Variants in NRG3 observed in about 807,000 individuals in gnomAD.
NRG3 encodes pro-neuregulin-3, membrane-bound isoform.
NRG3 carries 31 observed loss-of-function variants against 66.9 expected under a neutral mutation model. The ratio of observed to expected loss-of-function variants is 0.46; its 90% CI spans 0.35 to 0.63. The LOEUF (loss-of-function observed/expected upper bound fraction) is 0.63. NRG3 is among the 20% of genes least tolerant of loss of function. The probability of loss-of-function intolerance (pLI) is 0.00; values close to 1 mark genes in which losing one functional copy is unlikely to be tolerated. For missense variants in NRG3, 910 were observed against 878.9 expected, an observed-to-expected ratio of 1.04 and a Z score of -0.45; for synonymous variants, 393 against 359.4, an observed-to-expected ratio of 1.09 and a Z score of -1.06.
chr10:82,259,702 A>G (rs1389893724), intron 1 of NRG3, among the ~76,000 whole-genome samples: 1 of 152,136 alleles, frequency 6.6e-6, no homozygotes. Context: ...CAGAGGTGGA[A>G]GGATTGCATC....
chr10:81,918,985 A>G (rs1845982166), intron 1 of NRG3, among the ~76,000 whole-genome samples: 1 of 150,856 alleles, frequency 6.6e-6, no homozygotes. Flanking sequence ...ACACACACAC[A>G]CACACACACA....
rs2058661965 is a variant in NRG3 at position 82,746,746 on chromosome 10, AT to A, written c.1027+8098del. Reference sequence around the variant, plus strand: ...CTTAATCAAATCTGAGGTACCAGAAATTAAATATTCATACCTTATTACACAA... The same window carrying A: ...CTTAATCAAATCTGAGGTACCAGAAATAAATATTCATACCTTATTACACAA... On this transcript the variant is annotated intron_variant, in intron 3 of 8. Coordinates refer to ENST00000372141, the MANE Select transcript of NRG3 (RefSeq NM_001010848.4). Among the ~76,000 whole-genome samples the A allele has an allele frequency of 5.3e-5, 8 of 152,256 alleles. No individual in the cohort carries two copies. In the South Asian group the frequency reaches 1.7e-3, roughly 31 times the overall value.
At chr10:82,390,851 G>A (rs902888623) in intron 2 of NRG3, among the ~76,000 whole-genome samples, 1 of 152,208 alleles carries the variant, frequency 6.6e-6, no homozygotes, top group Admixed American at 6.5e-5. Context: ...GCATGGTGAA[G>A]TGAGCCTGTA....
chr10:82,269,370 T>G (rs551453157), intron 1 of NRG3, among the ~76,000 whole-genome samples: 1 of 152,184 alleles, frequency 6.6e-6, no homozygotes, highest in Non-Finnish European at 1.5e-5. Flanking sequence ...AATGTTCTGC[T>G]GTTGGATGTT....
chr10:82,606,976 T>TA (rs1021251153), intron 2 of NRG3, among the ~76,000 whole-genome samples: 5 of 152,074 alleles, frequency 3.3e-5, no homozygotes, highest in African/African-American at 1.2e-4. Context: ...CTAGGCCCCT[T>TA]AAAAAACCCA....
intron 1 of NRG3, among the ~76,000 whole-genome samples, chr10:81,935,060 T>G (rs1188854132): frequency 6.6e-6 from 1 of 152,246 alleles, no homozygotes. Flanking sequence ...GTTATTTTAT[T>G]CATGGATTAA....
intron 2 of NRG3, among the ~76,000 whole-genome samples, chr10:82,430,996 C>T (rs1178394092): frequency 6.6e-6 from 1 of 152,154 alleles, no homozygotes. Flanking sequence ...TTTAATGCAA[C>T]TTTCTAGATC....
chr10:82,003,986 A>AAAACACAC (rs1394431268), intron 1 of NRG3, among the ~76,000 whole-genome samples: 2 of 116,154 alleles, frequency 1.7e-5, no homozygotes, highest in Non-Finnish European at 3.3e-5. Context: ...TACCTGACTG[A>AAAACACAC]AAACACACAC....
intron 2 of NRG3, among the ~76,000 whole-genome samples, chr10:82,521,487 C>T (rs1436095241): frequency 6.6e-6 from 1 of 152,076 alleles, no homozygotes; most frequent in Non-Finnish European, 1.5e-5. Context: ...ACCACACGCG[C>T]CCGCCACCAC....
intron 1 of NRG3, among the ~76,000 whole-genome samples, chr10:82,018,653 C>T (rs185329525): frequency 1.3e-5 from 2 of 152,148 alleles, no homozygotes; most frequent in Admixed American, 1.3e-4. Context: ...TCCTTCACAT[C>T]CCTTGTAAGT....
At chr10:82,974,817 A>G (rs569745079) in intron 7 of NRG3, among the ~76,000 whole-genome samples, 1 of 152,348 alleles carries the variant, frequency 6.6e-6, no homozygotes, top group East Asian at 1.9e-4. Context: ...ACACCAAGCC[A>G]GAAACATACA....
chr10:82,588,231 T>C (rs1057461311), intron 2 of NRG3, among the ~76,000 whole-genome samples: 1 of 152,098 alleles, frequency 6.6e-6, no homozygotes, highest in South Asian at 2.1e-4. Flanking sequence ...GAGTTGGAGG[T>C]AGGGCCTGGT....
At chr10:82,792,722 C>G (rs2060635921) in intron 3 of NRG3, among the ~76,000 whole-genome samples, 1 of 151,628 alleles carries the variant, frequency 6.6e-6, no homozygotes, top group African/African-American at 2.4e-5. Context: ...CTCTTGTAGC[C>G]CAGGCTGGAG....
At chr10:82,198,949 A>ACCTTGCTACCCC (rs2074605324) in intron 1 of NRG3, among the ~76,000 whole-genome samples, 2 of 150,552 alleles carry the variant, frequency 1.3e-5, no homozygotes, top group African/African-American at 5.0e-5. Context: ...GTGAGCCAAG[A>ACCTTGCTACCCC]TCACGCCACT....
intron 1 of NRG3, among the ~76,000 whole-genome samples, chr10:82,147,174 T>G (rs149719931): frequency 6.6e-6 from 1 of 152,290 alleles, no homozygotes; most frequent in East Asian, 1.9e-4. Context: ...TAACATCTAT[T>G]AGATACTGAC....
chr10:82,741,868 A>G (rs2058440122), intron 3 of NRG3, among the ~76,000 whole-genome samples: 1 of 152,110 alleles, frequency 6.6e-6, no homozygotes, highest in Non-Finnish European at 1.5e-5. Context: ...CCTGCGGCAA[A>G]CATTATTCTA....
chr10:82,469,913 T>C (rs539542863), intron 2 of NRG3, among the ~76,000 whole-genome samples: 1 of 152,340 alleles, frequency 6.6e-6, no homozygotes. Context: ...CTTGCATCTT[T>C]GAATGTGCAT....
At chr10:82,829,973 G>C (rs1298646114) in intron 3 of NRG3, among the ~76,000 whole-genome samples, 1 of 152,110 alleles carries the variant, frequency 6.6e-6, no homozygotes, top group African/African-American at 2.4e-5. Context: ...ATAAAATCAA[G>C]CACCTCTGCT....
chr10:82,195,948 C>A (rs535380979), intron 1 of NRG3, among the ~76,000 whole-genome samples: 1 of 152,296 alleles, frequency 6.6e-6, no homozygotes, highest in East Asian at 1.9e-4. Context: ...CGGAGCACAG[C>A]TCTGCTGATA....
Sources: gnomAD v4.1 joint callset for allele counts (sites outside exome capture counted in the v4.1 genomes callset) on GRCh38, gnomAD v4.1.1 for gene constraint, MANE v1.5 for transcripts, NCBI Gene and HGNC (gene_info 2026-07-23, HGNC 2026-07-21) for gene names.